Variants in PHACTR1 observed in about 807,000 individuals in gnomAD.
PHACTR1 encodes phosphatase and actin regulator 1.
PHACTR1 carries 16 observed loss-of-function variants against 69.2 expected under a neutral mutation model. That is an observed-to-expected ratio of 0.23 (90% confidence interval 0.16 to 0.35). PHACTR1 has a LOEUF of 0.35. PHACTR1 is among the 10% of genes least tolerant of loss of function. PHACTR1 has a pLI of 1.00. For missense variants in PHACTR1, 510 were observed against 734.7 expected (o/e 0.69, Z 3.54); for synonymous variants, 312 against 284.5 (o/e 1.10, Z -0.97).
At chr6:12,896,242 A>G (rs1464373237) in intron 4 of PHACTR1, among the ~76,000 whole-genome samples, 2 of 152,268 alleles carry the variant, frequency 1.3e-5, no homozygotes, top group East Asian at 1.9e-4. Flanking sequence ...ATGAGCAGGC[A>G]TTACCCTTGT....
intron 5 of PHACTR1, among the ~76,000 whole-genome samples, chr6:13,143,322 G>T (rs1822795267): frequency 1.3e-5 from 2 of 152,202 alleles, no homozygotes; most frequent in Admixed American, 1.3e-4. Context: ...AATGCTTGAG[G>T]TGATAGATAC....
chr6:13,230,901 G>A (rs185841045), intron 10 of PHACTR1, among the ~76,000 whole-genome samples: 77 of 152,084 alleles, frequency 5.1e-4, no homozygotes, highest in Admixed American at 2.9e-3. Context: ...CTGTGGTCCC[G>A]GCTACATGGG....
At chr6:13,120,635 T>A in intron 5 of PHACTR1, among the ~76,000 whole-genome samples, 1 of 152,174 alleles carries the variant, frequency 6.6e-6, no homozygotes, top group East Asian at 1.9e-4. Flanking sequence ...CTTGACAGAC[T>A]GTTAGGCTCA....
At chr6:12,733,193 ATTT>A (rs1763781975) in intron 3 of PHACTR1, among the ~76,000 whole-genome samples, 1 of 152,194 alleles carries the variant, frequency 6.6e-6, no homozygotes, top group East Asian at 1.9e-4. Context: ...GTAATGTTTC[ATTT>A]AACCGTGTAA....
intron 4 of PHACTR1, among the ~76,000 whole-genome samples, chr6:12,978,846 C>T (rs560141391): frequency 1.3e-5 from 2 of 152,284 alleles, no homozygotes; most frequent in East Asian, 1.9e-4. Flanking sequence ...AGTTATGAAA[C>T]TCAAAATGGC....
intron 6 of PHACTR1, among the ~76,000 whole-genome samples, chr6:13,167,182 T>G (rs2113605392): frequency 6.6e-6 from 1 of 152,348 alleles, no homozygotes; most frequent in Non-Finnish European, 1.5e-5. Context: ...AGGAAGGCTA[T>G]GCACATTGGT....
intron 10 of PHACTR1, among the ~76,000 whole-genome samples, chr6:13,263,082 T>C (rs1189327961): frequency 6.6e-6 from 1 of 152,148 alleles, no homozygotes; most frequent in African/African-American, 2.4e-5. Flanking sequence ...CAACAAAACC[T>C]ACAAGGGTTT....
chr6:12,910,284 C>G (rs1338823401), intron 4 of PHACTR1, among the ~76,000 whole-genome samples: 4 of 152,176 alleles, frequency 2.6e-5, no homozygotes, highest in Non-Finnish European at 5.9e-5. Flanking sequence ...CACTGAAACT[C>G]TAATAATGGC....
chr6:12,749,381 C>G, intron 3 of PHACTR1: 1 of 536,718 alleles, frequency 1.9e-6, no homozygotes, highest in East Asian at 4.2e-5. Flanking sequence ...CGGGCGCCAG[C>G]CAGGGATAGC....
intron 4 of PHACTR1, among the ~76,000 whole-genome samples, chr6:12,971,236 C>T (rs1404947828): frequency 6.6e-6 from 1 of 152,194 alleles, no homozygotes; most frequent in Non-Finnish European, 1.5e-5. Flanking sequence ...ATTCCATCTT[C>T]ACCCAACACT....
At chr6:12,990,621 A>G (rs943434267) in intron 4 of PHACTR1, among the ~76,000 whole-genome samples, 1 of 152,206 alleles carries the variant, frequency 6.6e-6, no homozygotes, top group African/African-American at 2.4e-5. Flanking sequence ...AATGTATACA[A>G]TTTGCTGTCT....
intron 4 of PHACTR1, among the ~76,000 whole-genome samples, chr6:12,787,629 G>T (rs1351926125): frequency 6.6e-6 from 1 of 152,204 alleles, no homozygotes; most frequent in Non-Finnish European, 1.5e-5. Flanking sequence ...TTGCAGTTGA[G>T]CTCCTGCTCT....
intron 4 of PHACTR1, among the ~76,000 whole-genome samples, chr6:12,995,453 C>A (rs765261287): frequency 2.0e-5 from 3 of 151,514 alleles, no homozygotes; most frequent in Non-Finnish European, 4.4e-5. Context: ...AAACAATAGG[C>A]AAATATTAAC....
intron 4 of PHACTR1, among the ~76,000 whole-genome samples, chr6:12,938,895 C>T (rs576582751): frequency 3.6e-4 from 54 of 152,066 alleles, no homozygotes; most frequent in Non-Finnish European, 6.6e-4. Flanking sequence ...ACAGTTCATG[C>T]GTTTTTAATC....
intron 5 of PHACTR1, among the ~76,000 whole-genome samples, chr6:13,106,828 G>A (rs956104040): frequency 3.9e-5 from 6 of 152,016 alleles, no homozygotes; most frequent in Admixed American, 6.5e-5. Context: ...TCAAAAAGAC[G>A]AACTGCAATT....
intron 4 of PHACTR1, among the ~76,000 whole-genome samples, chr6:12,868,542 T>G (rs1781707069): frequency 1.3e-5 from 2 of 152,140 alleles, no homozygotes; most frequent in South Asian, 4.2e-4. Flanking sequence ...TTCATCGATT[T>G]CACCAAAATA....
At chr6:13,152,007 G>A (rs951365444) in intron 5 of PHACTR1, among the ~76,000 whole-genome samples, 28 of 152,026 alleles carry the variant, frequency 1.8e-4, no homozygotes, top group Admixed American at 1.3e-3. Flanking sequence ...CCACCAAGGA[G>A]AATGAGCCCA....
At chr6:13,225,809 G>A (rs576264199) in intron 8 of PHACTR1, among the ~76,000 whole-genome samples, 1 of 152,266 alleles carries the variant, frequency 6.6e-6, no homozygotes, top group African/African-American at 2.4e-5. Flanking sequence ...GGAAAAGACA[G>A]GATTCAGGCA....
At chr6:12,861,841 A>T (rs565394989) in intron 4 of PHACTR1, among the ~76,000 whole-genome samples, 5 of 152,310 alleles carry the variant, frequency 3.3e-5, no homozygotes, top group East Asian at 1.9e-4. Context: ...TTCATTTTTT[A>T]AAAAAATTAA....
Sources: allele counts gnomAD v4.1 joint callset (sites outside exome capture counted in the v4.1 genomes callset), GRCh38; gene constraint gnomAD v4.1.1; transcripts MANE v1.5; gene names NCBI Gene and HGNC (gene_info 2026-07-23, HGNC 2026-07-21).